TBCK: variants seen among roughly 807,000 people sequenced by gnomAD.
TBCK encodes TBC domain-containing protein kinase-like protein.
TBCK carries 99 observed loss-of-function variants against 113.4 expected under a neutral mutation model. The ratio of observed to expected loss-of-function variants is 0.87; its 90% CI spans 0.74 to 1.03. The LOEUF (loss-of-function observed/expected upper bound fraction) is 1.03, where lower values mean the gene tolerates loss of function less well. Among genes scored for constraint, TBCK ranks in the 50% least tolerant of loss-of-function variants. The probability of loss-of-function intolerance (pLI) is 0.00; values close to 1 mark genes in which losing one functional copy is unlikely to be tolerated. For synonymous variants in TBCK, 369 were observed against 370.8 expected (o/e 1.00, Z 0.05); for missense variants, 1,045 against 1,061.3 (o/e 0.98, Z 0.21).
intron 1 of TBCK, among the ~76,000 whole-genome samples, chr4:106,315,105 T>C (rs984303452): frequency 1.3e-5 from 2 of 152,048 alleles, no homozygotes; most frequent in African/African-American, 4.8e-5. Context: ...ATACATTCAC[T>C]TACACCTCGT....
At chr4:106,250,346 T>C in intron 7 of TBCK, 72 bp downstream of exon 7, 1 of 1,027,854 alleles carries the variant, frequency 9.7e-7, no homozygotes, top group Non-Finnish European at 1.5e-6. Context: ...AAAGAACACA[T>C]CCTCAATGTG....
intron 12 of TBCK, among the ~76,000 whole-genome samples, chr4:106,241,607 T>C (rs1760148900): frequency 6.6e-6 from 1 of 151,922 alleles, no homozygotes; most frequent in Non-Finnish European, 1.5e-5. Flanking sequence ...AAAAAGTTGG[T>C]ATTATAGATC....
intron 2 of TBCK, among the ~76,000 whole-genome samples, chr4:106,304,269 A>AG (rs550123422): frequency 3.7e-4 from 56 of 152,270 alleles, no homozygotes; most frequent in Non-Finnish European, 6.5e-4. Flanking sequence ...ACACAAAAAA[A>AG]GGTGGGGGAC....
chr4:106,169,309 A>G (rs1031751463), intron 23 of TBCK, among the ~76,000 whole-genome samples: 17 of 152,148 alleles, frequency 1.1e-4, no homozygotes, highest in Non-Finnish European at 2.5e-4. Flanking sequence ...AAGACAAATT[A>G]TAAATCAAAA....
rs1003115483 is a variant in TBCK at position 106,258,392 on chromosome 4, A to T, written c.455+2045T>A. ...ATATTTGTCTTTTGAATCAACTGCA[A>T]GCTTCTTCTGGTGTAAATATTTTCT... On this transcript the variant is annotated intron_variant, in intron 5 of 25. Transcript: ENST00000394708. Among the ~76,000 whole-genome samples the T allele has an allele frequency of 3.3e-5, 5 of 152,032 alleles. No homozygotes were observed. The South Asian group carries it at 6.2e-4, about 19-fold the overall frequency.
intron 20 of TBCK, among the ~76,000 whole-genome samples, chr4:106,200,346 C>G (rs546424168): frequency 1.3e-5 from 2 of 152,180 alleles, no homozygotes; most frequent in African/African-American, 4.8e-5. Flanking sequence ...CCAAGACCAG[C>G]CTGGGTAACA....
chr4:106,047,480 T>C (rs1445038691), intron 25 of TBCK, among the ~76,000 whole-genome samples: 3 of 152,152 alleles, frequency 2.0e-5, no homozygotes, highest in Admixed American at 6.5e-5. Context: ...GTCCCCTCTT[T>C]AGCGCCTCCT....
At chr4:106,051,739 A>G (rs1318451415) in intron 25 of TBCK, among the ~76,000 whole-genome samples, 3 of 151,834 alleles carry the variant, frequency 2.0e-5, no homozygotes, top group East Asian at 3.9e-4. Flanking sequence ...GAGATGAAAA[A>G]CAGAATATGG....
Position 106,193,749 on chromosome 4 carries a change from A to C in TBCK, c.1919T>G (p.Ile640Ser). The C allele has an allele frequency of 6.3e-7, 1 of 1,582,418 alleles. No homozygotes were observed. Among genetic ancestry groups the C allele is most frequent in the African/African-American group, 1.4e-5 (1 of 72,950 alleles). ...MFTHVFPLHK[I>S]FHLWDTLLLG... is the part of the protein sequence containing the mutation. The stretch of plus-strand genomic sequence containing the variant: ...TAGTAAGGTATCCCAGAGGTGGAAA[A>C]TTTTGTGTAGTGGAAATACATCTGT... The change falls in exon 22 of 26, where the codon ATT (isoleucine) becomes AGT (serine). Residue 640 changes from isoleucine to serine, a missense_variant. Coordinates refer to ENST00000394708, the MANE Select transcript of TBCK (RefSeq NM_001163435.3).
chr4:106,081,266 G>T (rs1738843287), intron 25 of TBCK, among the ~76,000 whole-genome samples: 1 of 152,078 alleles, frequency 6.6e-6, no homozygotes, highest in African/African-American at 2.4e-5. Context: ...CAATAGCAAA[G>T]ACATGGAATC....
At chr4:106,263,313 A>G (rs548554175) in intron 3 of TBCK, among the ~76,000 whole-genome samples, 45 of 152,112 alleles carry the variant, frequency 3.0e-4, no homozygotes, top group African/African-American at 9.9e-4. Flanking sequence ...TAAAAGGAAA[A>G]AAGAACAGAA....
intron 5 of TBCK, among the ~76,000 whole-genome samples, chr4:106,257,520 AT>A (rs1762120335): frequency 6.6e-6 from 1 of 152,102 alleles, no homozygotes; most frequent in Non-Finnish European, 1.5e-5. Context: ...TTAAATTCAA[AT>A]GGGTAAATTT....
At chr4:106,282,853 T>C (rs1434546303) in intron 3 of TBCK, among the ~76,000 whole-genome samples, 1 of 152,088 alleles carries the variant, frequency 6.6e-6, no homozygotes, top group Non-Finnish European at 1.5e-5. Context: ...GTAGATGGCC[T>C]CTAGGAGCTG....
In TBCK at chr4:106,290,427, T is replaced by C. The variant is rs932278887; in HGVS notation, c.266+4667A>G. Among the ~76,000 whole-genome samples, 117 of 152,144 alleles carry C rather than the reference T, an allele frequency of 7.7e-4. 2 individuals are homozygous for C. Among genetic ancestry groups the C allele is most frequent in the East Asian group, 1.9e-4 (1 of 5,162 alleles). ...TCCTGACCTCGTGATCCGCCCACCT[T>C]GGCCTCCCAAAGTGCTGGGATTACA... On this transcript the variant is annotated intron_variant, in intron 3 of 25. Transcript: ENST00000394708.
intron 22 of TBCK, 80 bp downstream of exon 22, chr4:106,193,529 A>G (rs1267346317): frequency 6.6e-7 from 1 of 1,513,118 alleles, no homozygotes; most frequent in African/African-American, 1.4e-5. Flanking sequence ...CTGGATGGTT[A>G]TTTTTGCCAA....
chr4:106,170,254 A>C (rs1479172432), intron 23 of TBCK, among the ~76,000 whole-genome samples: 1 of 152,140 alleles, frequency 6.6e-6, no homozygotes, highest in East Asian at 1.9e-4. Context: ...ACTATAATGC[A>C]AATATTTATT....
intron 25 of TBCK, among the ~76,000 whole-genome samples, chr4:106,074,278 T>A (rs1259970201): frequency 2.0e-5 from 3 of 152,208 alleles, no homozygotes; most frequent in East Asian, 3.8e-4. Context: ...TTCTACTTTT[T>A]AAAAAAACTT....
chr4:106,298,471 C>T (rs540405417), intron 2 of TBCK, among the ~76,000 whole-genome samples: 1 of 151,290 alleles, frequency 6.6e-6, no homozygotes, highest in Non-Finnish European at 1.5e-5. Flanking sequence ...ATTAGCCAGG[C>T]GTGGTGGCAG....
At chr4:106,283,936 A>C (rs1260411851) in intron 3 of TBCK, among the ~76,000 whole-genome samples, 1 of 152,192 alleles carries the variant, frequency 6.6e-6, no homozygotes, top group Admixed American at 6.5e-5. Context: ...TTTAAACTAA[A>C]GAATGTATAA....
Sources: gnomAD v4.1 joint callset for allele counts (sites outside exome capture counted in the v4.1 genomes callset) on GRCh38, gnomAD v4.1.1 for gene constraint, MANE v1.5 for transcripts, NCBI Gene and HGNC (gene_info 2026-07-23, HGNC 2026-07-21) for gene names.